Variants in THSD7B observed in about 807,000 individuals in gnomAD.
THSD7B encodes the protein thrombospondin type-1 domain-containing protein 7B.
THSD7B carries 138 observed loss-of-function variants against 213.6 expected under a neutral mutation model. The observed-to-expected ratio is 0.65, with a 90% CI of 0.56 to 0.74. THSD7B has a LOEUF of 0.74. THSD7B is among the 30% of genes least tolerant of loss of function. The pLI is 0.00. For synonymous variants in THSD7B, 742 were observed against 687.0 expected, an observed-to-expected ratio of 1.08 and a Z score of -1.25; for missense variants, 1,931 against 1,991.5, an observed-to-expected ratio of 0.97 and a Z score of 0.58.
chr2:136,886,550 G>A (rs935959247), intron 2 of THSD7B, among the ~76,000 whole-genome samples: 1 of 152,112 alleles, frequency 6.6e-6, no homozygotes, highest in African/African-American at 2.4e-5. Context: ...GTCAAAACTG[G>A]GGGTGCTACT....
chr2:136,988,805 C>T (rs144946263), intron 2 of THSD7B, among the ~76,000 whole-genome samples: 83 of 152,278 alleles, frequency 5.5e-4, no homozygotes, highest in African/African-American at 1.6e-3. Flanking sequence ...CTTCACTGCC[C>T]GAGTAACTTC....
chr2:136,777,173 C>G (rs1681625420), intron 1 of THSD7B, among the ~76,000 whole-genome samples: 1 of 152,064 alleles, frequency 6.6e-6, no homozygotes, highest in Non-Finnish European at 1.5e-5. Context: ...TTTAGAGAAG[C>G]TTTATGAACA....
intron 2 of THSD7B, among the ~76,000 whole-genome samples, chr2:136,953,074 T>C (rs1685067547): frequency 6.6e-6 from 1 of 152,182 alleles, no homozygotes; most frequent in African/African-American, 2.4e-5. Flanking sequence ...CAGGGCAAGA[T>C]ATTTTATTTG....
rs555320154 is a variant in THSD7B, at chr2:137,362,596, CA to C, written c.2501-43012del. 2.0e-5 allele frequency among the ~76,000 whole-genome samples: 3 copies of C among 151,824 alleles called. No homozygotes were observed. The South Asian group carries it at 6.2e-4, about 32-fold the overall frequency. On this transcript the variant is annotated intron_variant, in intron 12 of 27. Transcript: ENST00000409968. Reference sequence around the variant, plus strand: ...CAGGGGTTGCAATCCTCGTCTCTGACAAAAACAGTCTTTAAACCAACAAAGA... The same window carrying C: ...CAGGGGTTGCAATCCTCGTCTCTGACAAAACAGTCTTTAAACCAACAAAGA...
At chr2:137,055,758 C>T (rs772344592) in intron 2 of THSD7B, among the ~76,000 whole-genome samples, 1 of 152,214 alleles carries the variant, frequency 6.6e-6, no homozygotes, top group Non-Finnish European at 1.5e-5. Flanking sequence ...CAATTCAGTG[C>T]TGCTGCTTCT....
intron 2 of THSD7B, among the ~76,000 whole-genome samples, chr2:136,992,859 C>A (rs1685814258): frequency 6.6e-6 from 1 of 152,190 alleles, no homozygotes; most frequent in Admixed American, 6.5e-5. Context: ...GGGTCATCCG[C>A]AATGTCTGTT....
chr2:136,946,210 A>G (rs1330163096), intron 2 of THSD7B, among the ~76,000 whole-genome samples: 1 of 152,172 alleles, frequency 6.6e-6, no homozygotes, highest in Non-Finnish European at 1.5e-5. Context: ...TCCTTCTAAC[A>G]GTCAGGTCCC....
intron 12 of THSD7B, among the ~76,000 whole-genome samples, chr2:137,387,937 C>A (rs753692525): frequency 6.6e-6 from 1 of 152,138 alleles, no homozygotes; most frequent in Non-Finnish European, 1.5e-5. Flanking sequence ...ACCACTGTGG[C>A]CTCCCAGAAG....
intron 15 of THSD7B, among the ~76,000 whole-genome samples, chr2:137,510,868 G>C (rs996693500): frequency 6.6e-5 from 10 of 152,040 alleles, no homozygotes; most frequent in South Asian, 2.1e-4. Context: ...ATACTATTCG[G>C]GGTTTGTTGA....
chr2:137,211,539 T>G (rs959688396), intron 7 of THSD7B, among the ~76,000 whole-genome samples: 1 of 152,098 alleles, frequency 6.6e-6, no homozygotes, highest in Non-Finnish European at 1.5e-5. Flanking sequence ...ATGATGTATC[T>G]AATTTTTTAG....
intron 2 of THSD7B, among the ~76,000 whole-genome samples, chr2:137,029,707 C>T (rs896695600): frequency 2.6e-4 from 40 of 152,006 alleles, no homozygotes; most frequent in African/African-American, 5.1e-4. Flanking sequence ...TAGTTCATTG[C>T]GGGATTTCTC....
chr2:137,533,289 G>C (rs112439215), intron 15 of THSD7B, among the ~76,000 whole-genome samples: 1 of 151,648 alleles, frequency 6.6e-6, no homozygotes, highest in African/African-American at 2.4e-5. Flanking sequence ...GTTTCCCATA[G>C]GAAATAAGTC....
At chr2:136,956,556 TGCTCA>T (rs1685128577) in intron 2 of THSD7B, among the ~76,000 whole-genome samples, 1 of 150,000 alleles carries the variant, frequency 6.7e-6, no homozygotes. Context: ...CAGTGAGCCA[TGCTCA>T]TGCTACTGCC....
chr2:137,199,871 TA>T (rs750127558), intron 7 of THSD7B, among the ~76,000 whole-genome samples: 49 of 152,270 alleles, frequency 3.2e-4, no homozygotes, highest in Middle Eastern at 3.4e-3. Flanking sequence ...GAAGATAGTG[TA>T]AAATAGTTTC....
At position 137,404,462 on chromosome 2, in the gene THSD7B, TATATATATATATAC is replaced by T. The variant is rs1353947641; in HGVS notation, c.2501-1149_2501-1136del. Among the ~76,000 whole-genome samples the T allele has an allele frequency of 4.2e-3, 347 of 81,846 alleles. 1 individual carries two copies. The highest frequency in any genetic ancestry group is 0.014 in the African/African-American group (313 of 22,716). 53.7% of individuals were successfully genotyped at this position (81,846 alleles called of 152,430 possible). A position where few individuals can be genotyped will look rare whatever the true frequency, so the allele number is the denominator to read the frequency against. On this transcript the variant is annotated intron_variant, in intron 12 of 27. Coordinates refer to ENST00000409968, the MANE Select transcript of THSD7B (RefSeq NM_001316349.2). ...ATATATATATATATATATATATATA[TATATATATATATAC>T]ACACACACACACACACACACACACA...
At chr2:137,607,008 G>C (rs1439085853) in intron 17 of THSD7B, among the ~76,000 whole-genome samples, 4 of 152,058 alleles carry the variant, frequency 2.6e-5, no homozygotes, top group Non-Finnish European at 5.9e-5. Flanking sequence ...CTAGGGGCCT[G>C]GCTTGTCAGA....
intron 2 of THSD7B, among the ~76,000 whole-genome samples, chr2:136,958,718 GC>G (rs142064067): frequency 6.6e-6 from 1 of 152,300 alleles, no homozygotes; most frequent in East Asian, 1.9e-4. Flanking sequence ...TTGTTGGTGA[GC>G]AAACCCAGCC....
At chr2:137,085,844 CA>C (rs1234096403) in intron 3 of THSD7B, among the ~76,000 whole-genome samples, 1 of 151,916 alleles carries the variant, frequency 6.6e-6, no homozygotes, top group African/African-American at 2.4e-5. Context: ...AAGGATAAAT[CA>C]AGAAATTTAA....
At chr2:137,512,825 AC>A (rs1679994497) in intron 15 of THSD7B, among the ~76,000 whole-genome samples, 1 of 152,144 alleles carries the variant, frequency 6.6e-6, no homozygotes, top group African/African-American at 2.4e-5. Context: ...GCTAATACTT[AC>A]CCCCATGAGG....
Sources: allele counts gnomAD v4.1 joint callset (sites outside exome capture counted in the v4.1 genomes callset), GRCh38; gene constraint gnomAD v4.1.1; transcripts MANE v1.5; gene names NCBI Gene and HGNC (gene_info 2026-07-23, HGNC 2026-07-21).